The following PDE4B variants were observed in gnomAD, a reference collection of about 807,000 sequenced individuals.
The protein encoded by PDE4B is phosphodiesterase 4B.
A neutral mutation model predicts 82.2 loss-of-function variants in PDE4B; 20 were observed. The ratio of observed to expected loss-of-function variants is 0.24; its 90% CI spans 0.17 to 0.35. PDE4B has a LOEUF of 0.35. PDE4B is among the 10% of genes least tolerant of loss of function. The pLI, the probability that PDE4B is intolerant of heterozygous loss-of-function variation, is 1.00. For synonymous variants in PDE4B, 320 were observed against 318.9 expected (o/e 1.00, Z -0.04); for missense variants, 655 against 907.2 (o/e 0.72, Z 3.57).
chr1:66,162,895 T>C (rs533078888), intron 3 of PDE4B, among the ~76,000 whole-genome samples: 11 of 152,202 alleles, frequency 7.2e-5, no homozygotes, highest in Non-Finnish European at 1.3e-4. Context: ...TTATCAATTG[T>C]GTTTTTGACT....
At chr1:66,170,604 T>C (rs1570391417) in intron 3 of PDE4B, among the ~76,000 whole-genome samples, 1 of 152,244 alleles carries the variant, frequency 6.6e-6, no homozygotes, top group Admixed American at 6.5e-5. Context: ...ATTTTCTAAC[T>C]ACTCCTAGAT....
chr1:65,991,082 A>ATT (rs3030069), intron 3 of PDE4B, among the ~76,000 whole-genome samples: 4 of 147,158 alleles, frequency 2.7e-5, no homozygotes, highest in African/African-American at 1.0e-4. Flanking sequence ...CAGATGAATG[A>ATT]TTTTTTTTTT....
At chr1:66,128,781 T>C (rs1570301524) in intron 3 of PDE4B, among the ~76,000 whole-genome samples, 1 of 152,140 alleles carries the variant, frequency 6.6e-6, no homozygotes, top group Non-Finnish European at 1.5e-5. Context: ...AGGTGAAAGG[T>C]ACGTCTTATG....
At chr1:66,072,967 TA>T (rs1369144473) in intron 3 of PDE4B, among the ~76,000 whole-genome samples, 1 of 149,346 alleles carries the variant, frequency 6.7e-6, no homozygotes, top group East Asian at 1.9e-4. Flanking sequence ...AAACAGCAAA[TA>T]AAAAAAATCC....
chr1:66,233,694 ATG>A (rs140691370), intron 3 of PDE4B, among the ~76,000 whole-genome samples: 26,286 of 150,934 alleles, frequency 0.17, 4,341 homozygotes, highest in African/African-American at 0.42. Flanking sequence ...ATGTAAATAT[ATG>A]TGTGTGTGTG....
chr1:66,026,808 A>G (rs1653461353), intron 3 of PDE4B, among the ~76,000 whole-genome samples: 1 of 152,234 alleles, frequency 6.6e-6, no homozygotes, highest in Non-Finnish European at 1.5e-5. Flanking sequence ...GTATATCCTC[A>G]TAACACAAAT....
At chr1:66,122,706 T>TC (rs1470005952) in intron 3 of PDE4B, among the ~76,000 whole-genome samples, 45 of 144,500 alleles carry the variant, frequency 3.1e-4, no homozygotes, top group South Asian at 4.4e-4. Context: ...TTCTTTTCTT[T>TC]TTTTTTTTTT....
intron 1 of PDE4B, among the ~76,000 whole-genome samples, chr1:65,872,228 A>AT (rs1169623677): frequency 6.6e-6 from 1 of 152,252 alleles, no homozygotes; most frequent in Non-Finnish European, 1.5e-5. Context: ...AATTACTTAG[A>AT]TTTTTTCCTG....
intron 1 of PDE4B, among the ~76,000 whole-genome samples, chr1:65,809,717 G>A (rs1447256718): frequency 6.6e-6 from 1 of 152,166 alleles, no homozygotes; most frequent in Non-Finnish European, 1.5e-5. Context: ...TGCACTTTCT[G>A]AAATAGCATT....
At position 65,792,992 on chromosome 1, in the gene PDE4B, C is replaced by G. The variant is rs1645588862; in HGVS notation, c.-327C>G. Among the ~76,000 whole-genome samples the G allele has an allele frequency of 6.6e-6, 1 of 151,690 alleles. No individual in the cohort carries two copies. The highest frequency in any genetic ancestry group is 1.5e-5 in the Non-Finnish European group (1 of 67,874). Reference sequence around the variant, plus strand: ...CCCGCTGGCCCGTCCGCGCGCGCGCCCCCGGCCCGCGCGCCCCTTCCCGGG... The same window carrying G: ...CCCGCTGGCCCGTCCGCGCGCGCGCGCCCGGCCCGCGCGCCCCTTCCCGGG... On this transcript the variant is annotated 5_prime_UTR_variant, in exon 1 of 17. Transcript: ENST00000341517.
At chr1:65,816,674 A>T (rs985053095) in intron 1 of PDE4B, among the ~76,000 whole-genome samples, 2 of 152,176 alleles carry the variant, frequency 1.3e-5, no homozygotes, top group African/African-American at 2.4e-5. Flanking sequence ...TAATATGGGG[A>T]TATTATGCTA....
intron 1 of PDE4B, among the ~76,000 whole-genome samples, chr1:65,877,613 TAAAA>T (rs1187741977): frequency 1.4e-5 from 2 of 143,970 alleles, no homozygotes; most frequent in East Asian, 2.0e-4. Flanking sequence ...AGACTCTGTC[TAAAA>T]AATAAATAAA....
intron 1 of PDE4B, among the ~76,000 whole-genome samples, chr1:65,794,161 A>G (rs554658586): frequency 3.3e-5 from 5 of 152,318 alleles, no homozygotes; most frequent in South Asian, 2.1e-4. Flanking sequence ...TCATAATTAT[A>G]TGATGCCACT....
chr1:65,871,728 T>G (rs1646575612), intron 1 of PDE4B, among the ~76,000 whole-genome samples: 1 of 152,218 alleles, frequency 6.6e-6, no homozygotes, highest in African/African-American at 2.4e-5. Flanking sequence ...TCCTTCTGCC[T>G]CTTTCATTGT....
At chr1:65,887,579 G>A (rs1229997771) in intron 1 of PDE4B, among the ~76,000 whole-genome samples, 1 of 150,380 alleles carries the variant, frequency 6.6e-6, no homozygotes, top group Admixed American at 6.7e-5. Context: ...CAGCATATTT[G>A]GCTAATTTTT....
chr1:65,987,857 G>T (rs554761436), intron 3 of PDE4B, among the ~76,000 whole-genome samples: 2 of 152,178 alleles, frequency 1.3e-5, no homozygotes, highest in East Asian at 3.9e-4. Context: ...CAGGTGATCC[G>T]CCCGCATTGG....
intron 3 of PDE4B, among the ~76,000 whole-genome samples, chr1:66,211,945 C>A (rs1650085391): frequency 6.6e-6 from 1 of 152,202 alleles, no homozygotes; most frequent in Non-Finnish European, 1.5e-5. Context: ...ACCCTGAATG[C>A]ATTTCACAAA....
At chr1:66,183,679 T>G (rs1057480442) in intron 3 of PDE4B, among the ~76,000 whole-genome samples, 1 of 152,200 alleles carries the variant, frequency 6.6e-6, no homozygotes, top group African/African-American at 2.4e-5. Context: ...TATCACCATG[T>G]TTTCCAATCC....
chr1:65,943,682 T>A (rs949180410), intron 3 of PDE4B, among the ~76,000 whole-genome samples: 1 of 151,978 alleles, frequency 6.6e-6, no homozygotes. Context: ...TTCAATGTTT[T>A]ACAGTTTTCA....
Sources: gnomAD v4.1 joint callset for allele counts (sites outside exome capture counted in the v4.1 genomes callset) on GRCh38, gnomAD v4.1.1 for gene constraint, MANE v1.5 for transcripts, NCBI Gene and HGNC (gene_info 2026-07-23, HGNC 2026-07-21) for gene names.